Variants in PRELID2 observed in about 807,000 individuals in gnomAD.
The protein encoded by PRELID2 is PRELI domain-containing protein 2.
PRELID2 carries 25 observed loss-of-function variants against 28.4 expected under a neutral mutation model. The ratio of observed to expected loss-of-function variants is 0.88; its 90% CI spans 0.64 to 1.23. PRELID2 has a LOEUF of 1.23. PRELID2 is among the 50% of genes most tolerant of loss of function. The pLI is 0.00. For missense variants in PRELID2, 201 were observed against 214.4 expected (o/e 0.94, Z 0.39); for synonymous variants, 76 against 71.6 (o/e 1.06, Z -0.31).
intron 1 of PRELID2, among the ~76,000 whole-genome samples, chr5:145,527,988 A>T (rs1752623519): frequency 6.6e-6 from 1 of 151,996 alleles, no homozygotes. Flanking sequence ...AATTACTCTC[A>T]TTTCAGAACC....
intron 1 of PRELID2, among the ~76,000 whole-genome samples, chr5:145,657,390 A>G (rs1196922582): frequency 1.3e-5 from 2 of 152,330 alleles, no homozygotes; most frequent in East Asian, 1.9e-4. Context: ...TCAAGGATAC[A>G]TTAGCTGAAA....
chr5:145,368,269 C>A, the PRELID2 span, among the ~76,000 whole-genome samples: 10,912 of 151,892 alleles, frequency 0.072, 1,272 homozygotes, highest in African/African-American at 0.24. Context: ...GGATGCTCAA[C>A]ATAGTGTTAC....
chr5:145,384,101 C>G, the PRELID2 span, among the ~76,000 whole-genome samples: 5 of 152,022 alleles, frequency 3.3e-5, no homozygotes, highest in Non-Finnish European at 7.4e-5. Flanking sequence ...AAGTGAGAAC[C>G]ACAATGATGC....
chr5:145,506,426 T>C (rs2126637584), intron 1 of PRELID2, among the ~76,000 whole-genome samples: 1 of 152,284 alleles, frequency 6.6e-6, no homozygotes, highest in East Asian at 1.9e-4. Flanking sequence ...CAGCTCTGCT[T>C]CAGGCCATAG....
intron 5 of PRELID2, among the ~76,000 whole-genome samples, chr5:145,769,682 G>T (rs1757985350): frequency 1.3e-5 from 2 of 152,154 alleles, no homozygotes; most frequent in African/African-American, 4.8e-5. Flanking sequence ...TGGTGTTAAA[G>T]ACCCCCACTG....
chr5:145,290,643 T>C, the PRELID2 span, among the ~76,000 whole-genome samples: 2 of 151,756 alleles, frequency 1.3e-5, no homozygotes, highest in Non-Finnish European at 2.9e-5. Flanking sequence ...GAGAAATACC[T>C]AATGTAAATG....
chr5:145,401,505 A>G, the PRELID2 span, among the ~76,000 whole-genome samples: 2 of 152,150 alleles, frequency 1.3e-5, no homozygotes, highest in Non-Finnish European at 2.9e-5. Context: ...TTAGATCCTT[A>G]TAACAGCTCT....
the PRELID2 span, among the ~76,000 whole-genome samples, chr5:145,428,874 C>A: frequency 6.6e-6 from 1 of 152,072 alleles, no homozygotes; most frequent in East Asian, 1.9e-4. Flanking sequence ...AGTGAAGCCC[C>A]CAGGCAGGTG....
At chr5:145,541,706 G>A (rs1229558108) in intron 1 of PRELID2, among the ~76,000 whole-genome samples, 1 of 151,966 alleles carries the variant, frequency 6.6e-6, no homozygotes, top group Non-Finnish European at 1.5e-5. Flanking sequence ...GGGATGGAAG[G>A]CATTCAGTTT....
At chr5:145,265,203 C>A in the PRELID2 span, among the ~76,000 whole-genome samples, 1 of 151,682 alleles carries the variant, frequency 6.6e-6, no homozygotes, top group Admixed American at 6.6e-5. Flanking sequence ...TCACCTTTTA[C>A]CATAGCTGCA....
chr5:145,727,233 C>G (rs1243811860), intron 1 of PRELID2, among the ~76,000 whole-genome samples: 2 of 152,152 alleles, frequency 1.3e-5, no homozygotes, highest in Non-Finnish European at 2.9e-5. Flanking sequence ...AAGGAGCCAG[C>G]AAGTCTAGAC....
downstream of PRELID2, among the ~76,000 whole-genome samples, chr5:145,471,567 TA>T (rs1305689494): frequency 6.6e-6 from 1 of 152,254 alleles, no homozygotes; most frequent in South Asian, 2.1e-4. Context: ...ATGGGTACCA[TA>T]ATTCCTCAAT....
At chr5:145,775,916 A>C (rs992902512) in intron 5 of PRELID2, among the ~76,000 whole-genome samples, 3 of 152,210 alleles carry the variant, frequency 2.0e-5, no homozygotes, top group Non-Finnish European at 4.4e-5. Flanking sequence ...AATTAAAAAG[A>C]GTAATCAGAA....
At chr5:145,473,819 A>C (rs768146906) in intron 1 of PRELID2, among the ~76,000 whole-genome samples, 1 of 152,198 alleles carries the variant, frequency 6.6e-6, no homozygotes, top group African/African-American at 2.4e-5. Flanking sequence ...CTGTAAAATA[A>C]GTTTCATAAC....
At chr5:145,378,269 G>A in the PRELID2 span, among the ~76,000 whole-genome samples, 1 of 152,072 alleles carries the variant, frequency 6.6e-6, no homozygotes, top group Non-Finnish European at 1.5e-5. Flanking sequence ...GTGTCTTGCG[G>A]AGGATCTTTT....
At chr5:145,453,208 C>T in the PRELID2 span, among the ~76,000 whole-genome samples, 2 of 151,990 alleles carry the variant, frequency 1.3e-5, no homozygotes, top group Non-Finnish European at 2.9e-5. Flanking sequence ...TTATATTTTG[C>T]CACATAAAAA....
At chr5:145,617,079 G>A (rs1042239553) in intron 1 of PRELID2, among the ~76,000 whole-genome samples, 14 of 152,106 alleles carry the variant, frequency 9.2e-5, no homozygotes, top group South Asian at 4.1e-4. Context: ...GGCTACTGGC[G>A]GTCAGAGTTT....
At chr5:145,701,522 A>C (rs1385036767) in intron 1 of PRELID2, among the ~76,000 whole-genome samples, 1 of 152,224 alleles carries the variant, frequency 6.6e-6, no homozygotes, top group Non-Finnish European at 1.5e-5. Context: ...AAGTCTCCTA[A>C]TGACTATCGA....
At chr5:145,834,576 T>C (rs903065615) in intron 1 of PRELID2, 2 of 152,240 alleles carry the variant, frequency 1.3e-5, no homozygotes, top group African/African-American at 2.4e-5. Flanking sequence ...ATGAACTCTC[T>C]TTTTATATTG....
Sources: gnomAD v4.1 joint callset for allele counts (sites outside exome capture counted in the v4.1 genomes callset) on GRCh38, gnomAD v4.1.1 for gene constraint, MANE v1.5 for transcripts, NCBI Gene and HGNC (gene_info 2026-07-23, HGNC 2026-07-21) for gene names.